TEAD2: variants seen among roughly 807,000 people sequenced by gnomAD.
TEAD2 encodes the protein TEA domain transcription factor 2.
A neutral mutation model predicts 61.4 loss-of-function variants in TEAD2; 51 were observed. The observed-to-expected ratio is 0.83, with a 90% CI of 0.66 to 1.05. The LOEUF (loss-of-function observed/expected upper bound fraction) is 1.05. TEAD2 is among the 50% of genes least tolerant of loss of function. The pLI is 0.00. For missense variants in TEAD2, 509 were observed against 600.0 expected (o/e 0.85, Z 1.58); for synonymous variants, 244 against 243.2 (o/e 1.00, Z -0.03).
intron 8 of TEAD2, among the ~76,000 whole-genome samples, chr19:49,350,514 G>A (rs778282873): frequency 4.6e-5 from 7 of 151,542 alleles, no homozygotes; most frequent in Non-Finnish European, 8.8e-5. Flanking sequence ...TTTAGTAGAG[G>A]TTGGGGGGGG....
Position 49,357,290 on chromosome 19 carries a change from C to T in TEAD2, c.322G>A (p.Ala108Thr). 3 of 1,612,880 alleles carry T rather than the reference C, an allele frequency of 1.9e-6. No individual in the cohort carries two copies. The highest frequency in any genetic ancestry group is 2.5e-6 in the Non-Finnish European group (3 of 1,179,518). ...KQVSSHIQVL[A>T]RRKSREIQSK... is the part of the protein sequence containing the mutation. ...TGGATTTCCCTTGATTTCCTTCGGG[C>T]CAAAACCTGGATGTGACTAGAAACC... The change falls in exon 4 of 13, where the codon GCC becomes ACC. Residue 108 changes from alanine (A) to threonine (T), a missense_variant. Ala to Thr is a moderately conservative substitution (Grantham distance 58). Transcript: ENST00000593945.
At chr19:49,344,287 TTTC>T (rs893994997) in intron 10 of TEAD2, among the ~76,000 whole-genome samples, 2 of 151,880 alleles carry the variant, frequency 1.3e-5, no homozygotes, top group African/African-American at 4.8e-5. Context: ...CCTTTTTTCT[TTTC>T]TTTTTTTTTT....
intron 11 of TEAD2, 90 bp downstream of exon 11, chr19:49,343,141 T>C (rs30003): frequency 0.24 from 346,654 of 1,440,316 alleles, 42,483 homozygotes; most frequent in African/African-American, 0.3. Flanking sequence ...ACTCCCTCCA[T>C]GCATACTCCC....
At position 49,347,238 on chromosome 19, in the gene TEAD2, C is replaced by G. The variant is rs1427741013; in HGVS notation, c.873G>C (p.Glu291Asp). 1 of 1,614,180 alleles carries G rather than the reference C, an allele frequency of 6.2e-7. No individual in the cohort carries two copies. The highest frequency in any genetic ancestry group is 8.5e-7 in the Non-Finnish European group (1 of 1,180,030). ...CATGGGGGGGGCCACGATCATATAG[C>G]TCTCGGAGGCCACCCTTTTTCTCAG... is the stretch of plus-strand genomic sequence containing the variant. ...KFPEKKGGLR[E>D]LYDRGPPHAF... The change falls in exon 10 of 13, where the codon GAG (glutamate) becomes GAC (aspartate). Residue 291 changes from glutamate to aspartate, a missense_variant. By Grantham distance (45) the Glu-to-Asp change is conservative. Transcript: ENST00000593945.
Position 49,357,234 on chromosome 19 carries a change from GT to G in TEAD2, c.360+17del, listed in dbSNP as rs34600086. 1,533 of 1,610,806 alleles carry G rather than the reference GT, an allele frequency of 9.5e-4. 19 individuals carry two copies. In the East Asian group the frequency reaches 0.014, roughly 15 times the overall value. The stretch of plus-strand genomic sequence containing the variant: ...CCAGTCTCTGTCCCCCTCTCAGGAT[GT>G]CTGCATTGGTCCCTACCTTCAACTT... On this transcript the variant is annotated intron_variant, in intron 4 of 12. Transcript: ENST00000593945.
At position 49,341,683 on chromosome 19, in the gene TEAD2, C is replaced by A. The variant is rs1282494515; in HGVS notation, c.1243-246G>T. Among the ~76,000 whole-genome samples the A allele has an allele frequency of 6.6e-6, 1 of 152,144 alleles. No homozygotes were observed. Among genetic ancestry groups the A allele is most frequent in the East Asian group, 1.9e-4 (1 of 5,186 alleles). On this transcript the variant is annotated intron_variant, in intron 12 of 12. Coordinates refer to ENST00000593945, the MANE Select transcript of TEAD2 (RefSeq NM_001256660.2). The surrounding 1 kb of genome is among the most constrained non-coding windows in gnomAD (Gnocchi z 4.2). Reference sequence around the variant, plus strand: ...TCACATCTCAGGGTTAATCGGGTTCCCATCACATCACATTCCCTGGGTAAA... The same window carrying A: ...TCACATCTCAGGGTTAATCGGGTTCACATCACATCACATTCCCTGGGTAAA...
In TEAD2 at chr19:49,359,587, G is replaced by T; in HGVS notation, c.233-88C>A. ...ACACCAGGGAAGAAGAAAGCAGCATGGGTCCCCAAAGGTCTGCAGCAAGTG... is the reference window on the plus strand; with the variant it reads ...ACACCAGGGAAGAAGAAAGCAGCATTGGTCCCCAAAGGTCTGCAGCAAGTG... On this transcript the variant is annotated intron_variant, in intron 2 of 12. Coordinates refer to ENST00000593945, the MANE Select transcript of TEAD2 (RefSeq NM_001256660.2). The surrounding 1 kb of genome is among the most constrained non-coding windows in gnomAD (Gnocchi z 4.1). 1 of 1,486,820 alleles carries T rather than the reference G, an allele frequency of 6.7e-7. No individual in the cohort carries two copies. The highest frequency in any genetic ancestry group is 9.4e-7 in the Non-Finnish European group (1 of 1,067,480). The allele number at this position is 1,486,820 out of a possible 1,614,324, so 92.1% of individuals were successfully genotyped here.
Position 49,347,215 on chromosome 19 carries a change from TG to T in TEAD2, c.895del (p.His299MetfsTer12), listed in dbSNP as rs763321097. 1.2e-5 allele frequency: 20 copies of T among 1,612,428 alleles called. No individual in the cohort carries two copies. Among genetic ancestry groups the T allele is most frequent in the Admixed American group, 1.7e-5 (1 of 59,858 alleles). On this transcript the variant is annotated frameshift_variant, in exon 10 of 13. Coordinates refer to ENST00000593945, the MANE Select transcript of TEAD2 (RefSeq NM_001256660.2). LOFTEE classifies it high-confidence loss of function. ...CCAGAACTTGACCAGGAAGAAGGCATGGGGGGGGCCACGATCATATAGCTCT... is the reference window on the plus strand; with the variant it reads ...CCAGAACTTGACCAGGAAGAAGGCATGGGGGGGCCACGATCATATAGCTCT... ...LRELYDRGPPHAFFLVKFWAD... is the reference protein window; with the variant it reads ...LRELYDRGPPXAFFLVKFWAD...
Position 49,348,888 on chromosome 19 carries a change from A to G in TEAD2, c.605-43T>C. 9 of 1,459,752 alleles carry G rather than the reference A, an allele frequency of 6.2e-6. No homozygotes were observed. The South Asian group carries it at 1.3e-4, about 21-fold the overall frequency. 90.4% of individuals were successfully genotyped at this position (1,459,752 alleles called of 1,614,324 possible). ...AGAACAATACAAATTGCTAACATTT[A>G]TGGAATATATCAGGTACTGTTGTCT... On this transcript the variant is annotated intron_variant, in intron 8 of 12. Transcript: ENST00000593945.
rs950812363 is a variant in TEAD2 at position 49,340,613 on chromosome 19, T to C, written c.*711A>G. 1.1e-5 allele frequency: 6 copies of C among 564,628 alleles called. No homozygotes were observed. In the African/African-American group the frequency reaches 1.1e-4, roughly 11 times the overall value. The allele number at this position is 564,628 out of a possible 1,614,324, so 35.0% of individuals were successfully genotyped here. ...CCCTGCGTTTTTGGTAAAATAGCTTTATCCTCTGTCAGAACACAAACAAAC... is the reference window on the plus strand; with the variant it reads ...CCCTGCGTTTTTGGTAAAATAGCTTCATCCTCTGTCAGAACACAAACAAAC... On this transcript the variant is annotated 3_prime_UTR_variant, in exon 13 of 13. Coordinates refer to ENST00000593945, the MANE Select transcript of TEAD2 (RefSeq NM_001256660.2).
At position 49,359,501 on chromosome 19, in the gene TEAD2, T is replaced by C; in HGVS notation, c.233-2A>G. On this transcript the variant is annotated splice_acceptor_variant, in intron 2 of 12. Transcript: ENST00000593945. LOFTEE classifies it high-confidence loss of function. This position sits in a 1 kb window ranked among gnomAD's most constrained non-coding sequence, Gnocchi z 4.1. ...AGCGGGCGATCAGTTCATTCCGACC[T>C]GAAGATTCAAAGACGGAACAGAGTT... 1 of 1,613,974 alleles carries C rather than the reference T, an allele frequency of 6.2e-7. No individual in the cohort carries two copies. The highest frequency in any genetic ancestry group is 8.5e-7 in the Non-Finnish European group (1 of 1,179,976).
intron 3 of TEAD2, 139 bp from the exon 4 acceptor site, chr19:49,357,453 G>C (rs578203544): frequency 3.4e-6 from 3 of 881,064 alleles, no homozygotes; most frequent in Non-Finnish European, 5.5e-6. Context: ...GAGCCATCTC[G>C]GGAGCACCCG....
At chr19:49,344,648 T>C (rs1045245621) in intron 10 of TEAD2, among the ~76,000 whole-genome samples, 1 of 152,186 alleles carries the variant, frequency 6.6e-6, no homozygotes, top group Non-Finnish European at 1.5e-5. Flanking sequence ...CTGGTTACTA[T>C]GGCAGTTACT....
chr19:49,357,056 CTCTGGGT>C (rs1250708576), intron 4 of TEAD2, among the ~76,000 whole-genome samples, 189 bp downstream of exon 4: 1 of 151,274 alleles, frequency 6.6e-6, no homozygotes, highest in Non-Finnish European at 1.5e-5. Flanking sequence ...GTCCCTCTCT[CTCTGGGT>C]CTTGGTCCCC....
At chr19:49,354,126 G>A (rs992660184) in intron 7 of TEAD2, among the ~76,000 whole-genome samples, 18 of 150,076 alleles carry the variant, frequency 1.2e-4, no homozygotes, top group South Asian at 2.2e-4. Flanking sequence ...TGACAATACC[G>A]TCAACACTCC....
rs201579096 is a variant in TEAD2, at chr19:49,343,511, G to C, written c.922-113C>G. 9.0e-5 allele frequency: 113 copies of C among 1,256,744 alleles called. No individual in the cohort carries two copies. In the East Asian group the frequency reaches 2.5e-3, roughly 28 times the overall value. 77.8% of individuals were successfully genotyped at this position (1,256,744 alleles called of 1,614,324 possible). ...TCCCAGTACTTTGGGAGGCCGAGGC[G>C]GGCGGATCACCTGAGGTTGGGAGTT... On this transcript the variant is annotated intron_variant, in intron 10 of 12. Coordinates refer to ENST00000593945, the MANE Select transcript of TEAD2 (RefSeq NM_001256660.2).
chr19:49,353,807 G>A (rs917538883), intron 7 of TEAD2, among the ~76,000 whole-genome samples: 9 of 149,518 alleles, frequency 6.0e-5, no homozygotes, highest in Admixed American at 2.7e-4. Flanking sequence ...TTGAGCTGGA[G>A]TCTCGCTCTA....
intron 8 of TEAD2, 139 bp from the exon 9 acceptor site, chr19:49,348,984 T>C: frequency 8.4e-7 from 1 of 1,185,484 alleles, no homozygotes; most frequent in Admixed American, 3.4e-5. Flanking sequence ...CAGTTAGAAG[T>C]GGCCATGTGA....
chr19:49,359,832 A>T lies in TEAD2; in HGVS notation c.232+12T>A. ...CAGTGGGGGCCAGGGCAAAAGACAG[A>T]AGTAGACTCACCATACATCTTGCCT... On this transcript the variant is annotated intron_variant, in intron 2 of 12. Transcript: ENST00000593945. The surrounding 1 kb of genome is among the most constrained non-coding windows in gnomAD (Gnocchi z 4.1). 1 of 1,612,446 alleles carries T rather than the reference A, an allele frequency of 6.2e-7. No homozygotes were observed. The highest frequency in any genetic ancestry group is 1.7e-5 in the Admixed American group (1 of 60,004).
Sources: allele counts gnomAD v4.1 joint callset (sites outside exome capture counted in the v4.1 genomes callset), GRCh38; gene constraint gnomAD v4.1.1; non-coding constraint Gnocchi (gnomAD v3.1); transcripts MANE v1.5; gene names NCBI Gene and HGNC (gene_info 2026-07-23, HGNC 2026-07-21).